PLPP4: variants seen among roughly 807,000 people sequenced by gnomAD.
PLPP4 encodes phospholipid phosphatase 4.
PLPP4 carries 20 observed loss-of-function variants against 32.2 expected under a neutral mutation model. The ratio of observed to expected loss-of-function variants is 0.62; its 90% CI spans 0.44 to 0.90. The LOEUF (loss-of-function observed/expected upper bound fraction) is 0.90. Among genes scored for constraint, PLPP4 ranks in the 40% least tolerant of loss-of-function variants. The pLI is 0.00. For synonymous variants in PLPP4, 127 were observed against 133.0 expected, an observed-to-expected ratio of 0.95 and a Z score of 0.31; for missense variants, 257 against 353.1, an observed-to-expected ratio of 0.73 and a Z score of 2.18.
At chr10:120,523,046 C>G (rs991752407) in intron 5 of PLPP4, among the ~76,000 whole-genome samples, 1 of 152,136 alleles carries the variant, frequency 6.6e-6, no homozygotes, top group African/African-American at 2.4e-5. Context: ...GCCTGTAATC[C>G]CAGCACTTTG....
chr10:120,491,757 A>T (rs1163738923), intron 1 of PLPP4, among the ~76,000 whole-genome samples: 2 of 152,138 alleles, frequency 1.3e-5, no homozygotes, highest in East Asian at 3.9e-4. Context: ...TTTAAAGCAG[A>T]TCCTAGATAT....
intron 1 of PLPP4, among the ~76,000 whole-genome samples, chr10:120,491,140 G>T (rs1001187502): frequency 4.6e-5 from 7 of 152,190 alleles, no homozygotes; most frequent in Admixed American, 1.3e-4. Context: ...GCCCTGCTGG[G>T]TGAGGGGACC....
chr10:120,584,562 T>G (rs1295587607), intron 6 of PLPP4, among the ~76,000 whole-genome samples: 1 of 152,190 alleles, frequency 6.6e-6, no homozygotes, highest in Non-Finnish European at 1.5e-5. Context: ...TCCATTTATT[T>G]CCCTTTTGAG....
rs10788099 is a variant in PLPP4 at position 120,534,488 on chromosome 10, G to T, written c.445+13393G>T. 2.0e-5 allele frequency among the ~76,000 whole-genome samples: 3 copies of T among 151,872 alleles called. No individual in the cohort carries two copies. In the South Asian group the frequency reaches 6.2e-4, roughly 32 times the overall value. On this transcript the variant is annotated intron_variant, in intron 5 of 6. Coordinates refer to ENST00000398250, the MANE Select transcript of PLPP4 (RefSeq NM_001030059.3). ...GATGTATACATTAATGTTTATCATC[G>T]AATTTAGGATGTTTTCAGCCATTAT...
chr10:120,489,093 A>G (rs1372198141), intron 1 of PLPP4, among the ~76,000 whole-genome samples: 3 of 152,152 alleles, frequency 2.0e-5, no homozygotes, highest in Non-Finnish European at 4.4e-5. Flanking sequence ...ATGACGTCTC[A>G]TTTACTGCAT....
chr10:120,576,406 G>T (rs1849227543), intron 6 of PLPP4, among the ~76,000 whole-genome samples: 2 of 152,210 alleles, frequency 1.3e-5, no homozygotes. Context: ...CCGGGGGTTT[G>T]TTGCAGTGGT....
In PLPP4 at chr10:120,590,830, C is replaced by T. The variant is rs536613347; in HGVS notation, c.*1328C>T. 2.1e-5 allele frequency among the ~76,000 whole-genome samples: 3 copies of T among 144,114 alleles called. No individual in the cohort carries two copies. The highest frequency in any genetic ancestry group is 4.4e-4 in the South Asian group (2 of 4,572). The allele number at this position is 144,114 out of a possible 152,430, so 94.5% of individuals were successfully genotyped here. ...TCGAGACTGCACTGGAGTGCAGTGG[C>T]GTGATCTTGGCTCACTGCAACCTTT... On this transcript the variant is annotated 3_prime_UTR_variant, in exon 7 of 7. Transcript: ENST00000398250.
chr10:120,477,921 T>C (rs1844013104), intron 1 of PLPP4, among the ~76,000 whole-genome samples: 1 of 152,144 alleles, frequency 6.6e-6, no homozygotes, highest in Admixed American at 6.5e-5. Flanking sequence ...CTGGCCGACA[T>C]GCAGAGAATC....
At chr10:120,497,489 A>G (rs565722006) in intron 1 of PLPP4, among the ~76,000 whole-genome samples, 57 of 152,250 alleles carry the variant, frequency 3.7e-4, no homozygotes, top group Middle Eastern at 3.4e-3. Flanking sequence ...GTGTATGTAT[A>G]TATAATTATA....
chr10:120,572,400 CT>C (rs1228102856), intron 5 of PLPP4, among the ~76,000 whole-genome samples: 2 of 152,208 alleles, frequency 1.3e-5, no homozygotes, highest in Non-Finnish European at 2.9e-5. Flanking sequence ...GGGCTGATGA[CT>C]TATATGTCTT....
At chr10:120,589,160 G>T (rs1849900808) in intron 6 of PLPP4, 143 bp from the exon 7 acceptor site, 1 of 721,020 alleles carries the variant, frequency 1.4e-6, no homozygotes, top group Admixed American at 2.5e-5. Context: ...CACCACTGTG[G>T]TTTCTTTCCT....
Position 120,495,749 on chromosome 10 carries a change from C to T in PLPP4, c.57-8069C>T, listed in dbSNP as rs542657241. Among the ~76,000 whole-genome samples, 8 of 152,252 alleles carry T rather than the reference C, an allele frequency of 5.3e-5. 1 individual carries two copies. The South Asian group carries it at 1.2e-3, about 24-fold the overall frequency. ...GCCATTCTTCTATCTGCTCCCTTTTCCCAACACACAACCTCACTACCCTCG... is the reference window on the plus strand; with the variant it reads ...GCCATTCTTCTATCTGCTCCCTTTTTCCAACACACAACCTCACTACCCTCG... On this transcript the variant is annotated intron_variant, in intron 1 of 6. Transcript: ENST00000398250.
intron 2 of PLPP4, among the ~76,000 whole-genome samples, chr10:120,507,626 G>C (rs1486154095): frequency 6.6e-6 from 1 of 152,186 alleles, no homozygotes; most frequent in Non-Finnish European, 1.5e-5. Flanking sequence ...TCACTTGGAG[G>C]CACTCCGCTG....
chr10:120,491,158 T>A (rs1234664615), intron 1 of PLPP4, among the ~76,000 whole-genome samples: 1 of 152,132 alleles, frequency 6.6e-6, no homozygotes, highest in African/African-American at 2.4e-5. Context: ...ACCTGGCTTG[T>A]GCTAAGGTGC....
At chr10:120,523,338 G>T (rs1261087734) in intron 5 of PLPP4, among the ~76,000 whole-genome samples, 1 of 151,976 alleles carries the variant, frequency 6.6e-6, no homozygotes, top group Admixed American at 6.6e-5. Flanking sequence ...ATTCTTGTAG[G>T]CTCTAGCCAT....
At chr10:120,548,224 C>T (rs1246114968) in intron 5 of PLPP4, among the ~76,000 whole-genome samples, 1 of 152,076 alleles carries the variant, frequency 6.6e-6, no homozygotes, top group Non-Finnish European at 1.5e-5. Context: ...TCCTCACCCT[C>T]CTCCCACCCT....
At chr10:120,573,297 T>A (rs887602117) in intron 5 of PLPP4, among the ~76,000 whole-genome samples, 13 of 152,054 alleles carry the variant, frequency 8.5e-5, no homozygotes, top group Middle Eastern at 3.4e-3. Context: ...TCCATTAAAA[T>A]TTTTTTTTAA....
Position 120,575,054 on chromosome 10 carries a change from G to A in PLPP4, c.446-77G>A, listed in dbSNP as rs1849150100. ...GGCCTTGGGGGTGTGCAAGACGGCAGACGGAATGCCCAGCACGCACTGAGT... is the reference window on the plus strand; with the variant it reads ...GGCCTTGGGGGTGTGCAAGACGGCAAACGGAATGCCCAGCACGCACTGAGT... On this transcript the variant is annotated intron_variant, in intron 5 of 6. Transcript: ENST00000398250. 4 of 1,497,102 alleles carry A rather than the reference G, an allele frequency of 2.7e-6. No individual in the cohort carries two copies. The African/African-American group carries it at 5.5e-5, about 21-fold the overall frequency. The allele number at this position is 1,497,102 out of a possible 1,614,324, so 92.7% of individuals were successfully genotyped here. A position where few individuals can be genotyped will look rare whatever the true frequency, so the allele number is the denominator to read the frequency against.
chr10:120,480,344 G>C (rs189618337), intron 1 of PLPP4, among the ~76,000 whole-genome samples: 12 of 152,280 alleles, frequency 7.9e-5, no homozygotes, highest in Non-Finnish European at 4.4e-5. Context: ...TGCAGGCTGG[G>C]GAGGCTGTCC....
Sources: allele counts gnomAD v4.1 joint callset (sites outside exome capture counted in the v4.1 genomes callset), GRCh38; gene constraint gnomAD v4.1.1; transcripts MANE v1.5; gene names NCBI Gene and HGNC (gene_info 2026-07-23, HGNC 2026-07-21).